Variants in MOK observed in about 807,000 individuals in gnomAD.
The protein encoded by MOK is MOK protein kinase.
In MOK, 59 loss-of-function variants were observed where a neutral mutation model predicts 54.2. That is an observed-to-expected ratio of 1.09 (90% CI 0.88 to 1.35). The LOEUF is 1.35. Ranked by LOEUF, MOK falls within the 40% of genes most tolerant of loss-of-function variation. The pLI is 0.00. For missense variants in MOK, 517 were observed against 526.2 expected, an observed-to-expected ratio of 0.98 and a Z score of 0.17; for synonymous variants, 210 against 202.7, an observed-to-expected ratio of 1.04 and a Z score of -0.31.
At chr14:102,247,143 A>G (rs997752851) in intron 7 of MOK, among the ~76,000 whole-genome samples, 4 of 152,110 alleles carry the variant, frequency 2.6e-5, no homozygotes, top group African/African-American at 9.7e-5. Context: ...CATGGATCTT[A>G]GTGGACACAA....
In MOK at chr14:102,233,974, G is replaced by A. The variant is rs183143384; in HGVS notation, c.591-185C>T. 1.4e-5 allele frequency: 8 copies of A among 559,340 alleles called. No individual in the cohort carries two copies. In the Admixed American group the frequency reaches 2.3e-4, roughly 16 times the overall value. The allele number at this position is 559,340 out of a possible 1,614,324, so 34.6% of individuals were successfully genotyped here. On this transcript the variant is annotated intron_variant, in intron 7 of 11. Coordinates refer to ENST00000361847, the MANE Select transcript of MOK (RefSeq NM_014226.3). ...CGTAAACATCACAAGGTGATATGTG[G>A]CAAAATTAACCAGCAAACAACCCCG... is the stretch of plus-strand genomic sequence containing the variant.
At chr14:102,224,120 C>T (rs1597199040), downstream of MOK, among the ~76,000 whole-genome samples, 1 of 149,376 alleles carries the variant, frequency 6.7e-6, no homozygotes, top group East Asian at 2.0e-4. Flanking sequence ...CGGCTCACTG[C>T]AAGCTCCGCC....
chr14:102,299,265 G>A (rs528183746), intron 1 of MOK, among the ~76,000 whole-genome samples: 7 of 152,166 alleles, frequency 4.6e-5, no homozygotes, highest in Non-Finnish European at 1.0e-4. Context: ...TGTAATCCCA[G>A]CACTTTGGGA....
downstream of MOK, chr14:102,226,244 C>CTT (rs1455753722): frequency 1.5e-6 from 1 of 664,262 alleles, no homozygotes; most frequent in African/African-American, 1.8e-5. This position sits in a 1 kb window ranked among gnomAD's most constrained non-coding sequence, Gnocchi z 4.8. Flanking sequence ...CCGGTGTCTT[C>CTT]TTTAAGGTCA....
rs192103550 is a variant in MOK at position 102,238,757 on chromosome 14, C to T, written c.591-4968G>A. Among the ~76,000 whole-genome samples, 26 of 152,256 alleles carry T rather than the reference C, an allele frequency of 1.7e-4. No homozygotes were observed. In the East Asian group the frequency reaches 3.3e-3, roughly 19 times the overall value. On this transcript the variant is annotated intron_variant, in intron 7 of 11. Coordinates refer to ENST00000361847, the MANE Select transcript of MOK (RefSeq NM_014226.3). This position sits in a 1 kb window ranked among gnomAD's most constrained non-coding sequence, Gnocchi z 4.8. ...CCAATCCTTCCATATTGGTGCATGT[C>T]CCCTATATCTCCTCCTCCGCCCATA...
At chr14:102,262,949 T>C (rs1049762593) in intron 4 of MOK, among the ~76,000 whole-genome samples, 1 of 152,260 alleles carries the variant, frequency 6.6e-6, no homozygotes, top group Non-Finnish European at 1.5e-5. Context: ...CAGGAACAAT[T>C]GGCTCAGTGT....
At chr14:102,304,605 A>G (rs1008154371) in intron 1 of MOK, among the ~76,000 whole-genome samples, 3 of 152,218 alleles carry the variant, frequency 2.0e-5, no homozygotes, top group African/African-American at 7.2e-5. Flanking sequence ...AAAGAGTGTC[A>G]GGTTCAAGCC....
chr14:102,253,663 C>T (rs2066706833), intron 4 of MOK, among the ~76,000 whole-genome samples: 1 of 152,308 alleles, frequency 6.6e-6, no homozygotes, highest in Admixed American at 6.5e-5. Flanking sequence ...GTGCCCGCAG[C>T]TTTCTACCGT....
At position 102,231,691 on chromosome 14, in the gene MOK, C is replaced by A. The variant is rs186455941; in HGVS notation, c.981+16G>T. The A allele has an allele frequency of 2.6e-5, 41 of 1,604,960 alleles. No homozygotes were observed. Among genetic ancestry groups the A allele is most frequent in the African/African-American group, 2.4e-4 (18 of 74,836 alleles). On this transcript the variant is annotated intron_variant, in intron 10 of 11. Transcript: ENST00000361847. This position sits in a 1 kb window ranked among gnomAD's most constrained non-coding sequence, Gnocchi z 4.4. ...GGCTGAGCTAGGCAGTCTCCGGCTCCGATTTCGCTTAGTACCTGCTTTCTG... is the reference window on the plus strand; with the variant it reads ...GGCTGAGCTAGGCAGTCTCCGGCTCAGATTTCGCTTAGTACCTGCTTTCTG...
chr14:102,293,695 C>G (rs1333350748), intron 1 of MOK, among the ~76,000 whole-genome samples: 1 of 56,798 alleles, frequency 1.8e-5, no homozygotes, highest in Non-Finnish European at 3.1e-5. Context: ...GAGCGAAACT[C>G]CATCACAAAA....
rs34114580 is a variant in MOK at position 102,283,487 on chromosome 14, C to G, written c.113G>C (p.Arg38Pro). The change falls in exon 2 of 12, where the codon CGC becomes CCC. Residue 38 changes from arginine to proline, a missense_variant. Physicochemically the swap from Arg to Pro is moderately radical, Grantham distance 103 (BLOSUM62 -2). Coordinates refer to ENST00000361847, the MANE Select transcript of MOK (RefSeq NM_014226.3). Reference protein sequence around the residue: ...NYYACKQMKQRFESIEQVNNL... With the variant: ...NYYACKQMKQPFESIEQVNNL... ...CATCTCTGTAGCCTACCTTTCAAAG[C>G]GCTGCTTCATTTGTTTACATGCATA... The G allele has an allele frequency of 7.6e-5, 122 of 1,609,328 alleles. 2 individuals carry two copies. The South Asian group carries it at 9.6e-4, about 13-fold the overall frequency.
chr14:102,265,889 C>T lies in MOK; in HGVS notation c.146G>A (p.Arg49Gln). ...CAGGCGCCTCAGTGCTTGGATCTCTCGTAGGTTGTTGACTTGCTCAATACT... is the reference window on the plus strand; with the variant it reads ...CAGGCGCCTCAGTGCTTGGATCTCTTGTAGGTTGTTGACTTGCTCAATACT... ...FESIEQVNNL[R>Q]EIQALRRLNP... Residue 49 changes from arginine (R) to glutamine (Q), a missense_variant, in exon 3 of 12, where the codon CGA becomes CAA. Transcript: ENST00000361847. 3 of 1,613,774 alleles carry T rather than the reference C, an allele frequency of 1.9e-6. No homozygotes were observed. The highest frequency in any genetic ancestry group is 1.7e-4 in the Middle Eastern group (1 of 6,060).
At chr14:102,282,284 G>A (rs1184352811) in intron 2 of MOK, among the ~76,000 whole-genome samples, 2 of 152,142 alleles carry the variant, frequency 1.3e-5, no homozygotes, top group Non-Finnish European at 2.9e-5. Context: ...AAGGCTGGGT[G>A]TAGTGGCTCA....
downstream of MOK, among the ~76,000 whole-genome samples, chr14:102,227,933 T>A (rs2064320508): frequency 6.6e-6 from 1 of 152,194 alleles, no homozygotes; most frequent in South Asian, 2.1e-4. Flanking sequence ...CCTGGGAAAT[T>A]TAGCCTTTTT....
intron 4 of MOK, among the ~76,000 whole-genome samples, chr14:102,254,781 C>G (rs1433144188): frequency 6.6e-6 from 1 of 152,194 alleles, no homozygotes; most frequent in African/African-American, 2.4e-5. Flanking sequence ...CATGCCCCAC[C>G]ACCCCCTTCT....
chr14:102,262,802 CAGT>C (rs2067585387), intron 4 of MOK, among the ~76,000 whole-genome samples: 1 of 152,224 alleles, frequency 6.6e-6, no homozygotes, highest in Non-Finnish European at 1.5e-5. Context: ...ACTCATGTGA[CAGT>C]AGGACAGTTG....
At chr14:102,259,277 C>G (rs1032478230) in intron 4 of MOK, among the ~76,000 whole-genome samples, 4 of 152,024 alleles carry the variant, frequency 2.6e-5, no homozygotes, top group Non-Finnish European at 4.4e-5. Flanking sequence ...AACCTGAGAG[C>G]AGCAATTTAA....
At chr14:102,215,453 G>A in the MOK span, among the ~76,000 whole-genome samples, 1 of 152,160 alleles carries the variant, frequency 6.6e-6, no homozygotes, top group Non-Finnish European at 1.5e-5. Context: ...CTGGTAGGCT[G>A]CTTGCTTTTT....
intron 2 of MOK, among the ~76,000 whole-genome samples, chr14:102,282,354 T>C (rs1265345484): frequency 1.3e-5 from 2 of 152,004 alleles, no homozygotes. Context: ...TATGTTATAT[T>C]AATATAATAT....
Sources: gnomAD v4.1 joint callset for allele counts (sites outside exome capture counted in the v4.1 genomes callset) on GRCh38, gnomAD v4.1.1 for gene constraint, Gnocchi (gnomAD v3.1) non-coding constraint, MANE v1.5 for transcripts, NCBI Gene and HGNC (gene_info 2026-07-23, HGNC 2026-07-21) for gene names.